AKAP13: variants seen among roughly 807,000 people sequenced by gnomAD.
AKAP13 encodes the protein A-kinase anchor protein 13.
In AKAP13, 80 loss-of-function variants were observed where a neutral mutation model predicts 264.5. The observed-to-expected ratio is 0.30, with a 90% CI of 0.25 to 0.36. The LOEUF is 0.36. AKAP13 is among the 10% of genes least tolerant of loss of function. The pLI is 1.00. For synonymous variants in AKAP13, 1,380 were observed against 1,250.2 expected (o/e 1.10, Z -2.19); for missense variants, 3,712 against 3,435.2 (o/e 1.08, Z -2.01).
chr15:85,462,376 G>A (rs544143150), intron 1 of AKAP13, among the ~76,000 whole-genome samples: 1 of 152,296 alleles, frequency 6.6e-6, no homozygotes, highest in South Asian at 2.1e-4. Context: ...AAACTAAATA[G>A]AGATTGGTGC....
In AKAP13 at chr15:85,580,254, C is replaced by G. The variant is rs112484391; in HGVS notation, c.2186C>G (p.Ala729Gly). Reference protein sequence around the residue: ...SDPVRDTQERADFCPFKVVDN... With the variant: ...SDPVRDTQERGDFCPFKVVDN... The stretch of plus-strand genomic sequence containing the variant: ...CCTGTAAGGGATACCCAGGAACGTG[C>G]GGATTTTTGTCCTTTCAAAGTGGTG... Residue 729 changes from alanine to glycine, a missense_variant, in exon 7 of 37, where the codon GCG (alanine) becomes GGG (glycine). This residue lies in a region of AKAP13 where 2,759 missense variants were observed against 2,411.7 expected (regional missense o/e 1.14). Coordinates refer to ENST00000394518, the MANE Select transcript of AKAP13 (RefSeq NM_007200.5). The G allele has an allele frequency of 2.5e-6, 4 of 1,614,078 alleles. No homozygotes were observed. The highest frequency in any genetic ancestry group is 2.7e-5 in the African/African-American group (2 of 74,932).
chr15:85,597,225 C>T (rs1271093087), intron 8 of AKAP13, among the ~76,000 whole-genome samples: 1 of 152,160 alleles, frequency 6.6e-6, no homozygotes, highest in African/African-American at 2.4e-5. Context: ...GAGCATGAGG[C>T]TTGTGCCCTT....
intron 8 of AKAP13, among the ~76,000 whole-genome samples, chr15:85,634,111 CT>C (rs2081976899): frequency 6.6e-6 from 1 of 152,156 alleles, no homozygotes; most frequent in Non-Finnish European, 1.5e-5. Flanking sequence ...TTTTTGCTCT[CT>C]GTAATAGTAA....
At chr15:85,640,751 A>T (rs549525668) in intron 9 of AKAP13, among the ~76,000 whole-genome samples, 1 of 152,146 alleles carries the variant, frequency 6.6e-6, no homozygotes, top group Non-Finnish European at 1.5e-5. Context: ...AATTAAAACC[A>T]CCCAAGAGTG....
chr15:85,633,915 C>A (rs920896267), intron 8 of AKAP13, among the ~76,000 whole-genome samples: 2 of 151,702 alleles, frequency 1.3e-5, no homozygotes, highest in Admixed American at 6.6e-5. Context: ...GGTAAAGTTA[C>A]AAAATTTGTG....
chr15:85,641,835 G>A (rs1162774273), intron 9 of AKAP13, among the ~76,000 whole-genome samples: 1 of 151,972 alleles, frequency 6.6e-6, no homozygotes, highest in Non-Finnish European at 1.5e-5. Context: ...CTTCAATAAT[G>A]GATAAATTAC....
chr15:85,545,451 A>G (rs918309227), intron 5 of AKAP13, among the ~76,000 whole-genome samples: 4 of 152,258 alleles, frequency 2.6e-5, no homozygotes, highest in African/African-American at 9.6e-5. Flanking sequence ...TAAGGAAACT[A>G]GAGTGTGTTT....
chr15:85,703,859 T>A (rs529699371), intron 17 of AKAP13, among the ~76,000 whole-genome samples: 4 of 146,252 alleles, frequency 2.7e-5, no homozygotes, highest in African/African-American at 9.9e-5. Flanking sequence ...AAAAAATATA[T>A]ATATATATAT....
At chr15:85,650,132 G>A (rs550117172) in intron 10 of AKAP13, among the ~76,000 whole-genome samples, 2 of 152,236 alleles carry the variant, frequency 1.3e-5, no homozygotes, top group Admixed American at 1.3e-4. Context: ...ACCTTTTTGA[G>A]ATAAAAATAA....
chr15:85,452,278 A>G (rs899749462), intron 1 of AKAP13, among the ~76,000 whole-genome samples: 1 of 145,184 alleles, frequency 6.9e-6, no homozygotes, highest in Admixed American at 6.8e-5. Flanking sequence ...TCACTTTATT[A>G]TGATTCTTAT....
chr15:85,740,760 CACACACACACAACCA>C (rs2088903069), intron 34 of AKAP13, among the ~76,000 whole-genome samples: 1 of 130,624 alleles, frequency 7.7e-6, no homozygotes, highest in African/African-American at 3.1e-5. Context: ...CACACAGACA[CACACACACACAACCA>C]CCCCCCCCCC....
chr15:85,386,408 C>T (rs2070564470), intron 1 of AKAP13, among the ~76,000 whole-genome samples: 1 of 151,982 alleles, frequency 6.6e-6, no homozygotes. Context: ...ATTCTCCTGC[C>T]TCAGCCTCCT....
chr15:85,510,908 TAGAG>T (rs1205934354), intron 2 of AKAP13, among the ~76,000 whole-genome samples: 2 of 152,192 alleles, frequency 1.3e-5, no homozygotes, highest in South Asian at 2.1e-4. Flanking sequence ...CTGCCATTAA[TAGAG>T]AGAGATATGG....
intron 8 of AKAP13, among the ~76,000 whole-genome samples, chr15:85,593,301 G>A (rs1024969915): frequency 2.0e-5 from 3 of 152,016 alleles, no homozygotes; most frequent in African/African-American, 7.3e-5. Flanking sequence ...GGCAGAATGA[G>A]ACTCTATCTC....
At chr15:85,619,415 C>T in intron 8 of AKAP13, 2 of 985,228 alleles carry the variant, frequency 2.0e-6, no homozygotes, top group South Asian at 9.4e-5. Context: ...CTCTGCTGTC[C>T]TTAGAGATTT....
intron 2 of AKAP13, 128 bp from the exon 3 acceptor site, chr15:85,521,300 A>T: frequency 9.0e-7 from 1 of 1,115,954 alleles, no homozygotes; most frequent in Non-Finnish European, 1.3e-6. Context: ...TACTTGTTTC[A>T]GCTTACCAGA....
At chr15:85,622,728 A>T (rs2081250025) in intron 8 of AKAP13, among the ~76,000 whole-genome samples, 1 of 152,162 alleles carries the variant, frequency 6.6e-6, no homozygotes, top group South Asian at 2.1e-4. Context: ...GTAGTTAATA[A>T]CTTTCCCAGT....
At chr15:85,477,474 G>C (rs946616256) in intron 1 of AKAP13, among the ~76,000 whole-genome samples, 1 of 151,960 alleles carries the variant, frequency 6.6e-6, no homozygotes, top group Admixed American at 6.6e-5. Context: ...GTCATGGTGG[G>C]AGTCTGGCCT....
chr15:85,542,303 G>C (rs1450680075), intron 4 of AKAP13, among the ~76,000 whole-genome samples: 2 of 152,004 alleles, frequency 1.3e-5, no homozygotes, highest in Non-Finnish European at 2.9e-5. Context: ...ATCCTGAATT[G>C]GTCTATGCAT....
Sources: gnomAD v4.1 joint callset for allele counts (sites outside exome capture counted in the v4.1 genomes callset) on GRCh38, gnomAD v4.1.1 for gene constraint, gnomAD v4.1.1 regional missense constraint, MANE v1.5 for transcripts, NCBI Gene and HGNC (gene_info 2026-07-23, HGNC 2026-07-21) for gene names.